LEPR: variants seen among roughly 807,000 people sequenced by gnomAD.
The protein encoded by LEPR is OB receptor.
A neutral mutation model predicts 114.7 loss-of-function variants in LEPR; 56 were observed. The observed-to-expected ratio is 0.49, with a 90% CI of 0.39 to 0.61. LEPR has a LOEUF of 0.61. Among genes scored for constraint, LEPR ranks in the 20% least tolerant of loss-of-function variants. The pLI is 0.00. For synonymous variants in LEPR, 443 were observed against 461.4 expected, an observed-to-expected ratio of 0.96 and a Z score of 0.51; for missense variants, 1,202 against 1,352.9, an observed-to-expected ratio of 0.89 and a Z score of 1.75.
Position 65,616,140 on chromosome 1 carries a change from C to T in LEPR, c.2128C>T (p.His710Tyr). Residue 710 changes from histidine to tyrosine, a missense_variant, in exon 15 of 20, where the codon CAT becomes TAT. By Grantham distance (83) the His-to-Tyr change is moderately conservative. Transcript: ENST00000349533. ...CACTTTCCTGTGGACAGAGCAAGCA[C>T]ATACTGTTACGGTTCTGGCCATCAA... ...KFTFLWTEQA[H>Y]TVTVLAINSI... 6.2e-7 allele frequency: 1 copy of T among 1,614,168 alleles called. No individual in the cohort carries two copies. Among genetic ancestry groups the T allele is most frequent in the Non-Finnish European group, 8.5e-7 (1 of 1,180,016 alleles).
chr1:65,546,265 G>A (rs1651711440), intron 2 of LEPR, among the ~76,000 whole-genome samples: 1 of 152,100 alleles, frequency 6.6e-6, no homozygotes, highest in Non-Finnish European at 1.5e-5. Context: ...TTGTTCTTTT[G>A]GCTTAGGATT....
chr1:65,472,152 A>G (rs191494725), intron 2 of LEPR, among the ~76,000 whole-genome samples: 19 of 152,296 alleles, frequency 1.2e-4, no homozygotes, highest in Admixed American at 1.2e-3. Flanking sequence ...GAGGTCTTCA[A>G]AACATCATGT....
At chr1:65,478,771 T>G (rs115549542) in intron 2 of LEPR, among the ~76,000 whole-genome samples, 3,896 of 152,254 alleles carry the variant, frequency 0.026, 176 homozygotes, top group African/African-American at 0.089. Context: ...CCAGTGAATC[T>G]ACCCTTCAGT....
chr1:65,510,692 T>C (rs1648984734), intron 2 of LEPR, among the ~76,000 whole-genome samples: 1 of 152,084 alleles, frequency 6.6e-6, no homozygotes, highest in Non-Finnish European at 1.5e-5. Flanking sequence ...GAATTCAGGC[T>C]CTGAAGATTA....
chr1:65,559,760 C>T (rs1417008253), intron 2 of LEPR, among the ~76,000 whole-genome samples: 10 of 136,106 alleles, frequency 7.3e-5, no homozygotes, highest in East Asian at 2.0e-4. Context: ...GTTTCAGCTT[C>T]CTACATATGG....
chr1:65,426,230 C>T lies in LEPR; in HGVS notation c.-21+852C>T, dbSNP rs536381370. Reference sequence around the variant, plus strand: ...ACCAGGAAAGCTGAATGCTAAGGCCCGGAGACATGAAAGTGTATATAGCCT... The same window carrying T: ...ACCAGGAAAGCTGAATGCTAAGGCCTGGAGACATGAAAGTGTATATAGCCT... On this transcript the variant is annotated intron_variant, in intron 2 of 19. Transcript: ENST00000349533. Among the ~76,000 whole-genome samples, 26 of 152,110 alleles carry T rather than the reference C, an allele frequency of 1.7e-4. 1 individual carries two copies. Among genetic ancestry groups the T allele is most frequent in the African/African-American group, 5.5e-4 (23 of 41,522 alleles).
At chr1:65,612,998 G>A (rs183568313) in intron 14 of LEPR, among the ~76,000 whole-genome samples, 1 of 152,264 alleles carries the variant, frequency 6.6e-6, no homozygotes, top group East Asian at 1.9e-4. Context: ...TAAAAATGAA[G>A]TCCCCATGCT....
intron 2 of LEPR, among the ~76,000 whole-genome samples, chr1:65,482,388 A>C (rs927119087): frequency 3.9e-5 from 6 of 152,282 alleles, no homozygotes; most frequent in African/African-American, 1.4e-4. Context: ...GCTGGTTCTA[A>C]AATTTATATA....
chr1:65,449,470 G>A (rs1303965927), intron 2 of LEPR, among the ~76,000 whole-genome samples: 1 of 151,940 alleles, frequency 6.6e-6, no homozygotes, highest in Non-Finnish European at 1.5e-5. Flanking sequence ...AGGGTAGGCT[G>A]GGAGGGGCTG....
At chr1:65,471,752 T>TA (rs1412220505) in intron 2 of LEPR, among the ~76,000 whole-genome samples, 3 of 152,218 alleles carry the variant, frequency 2.0e-5, no homozygotes, top group Admixed American at 2.0e-4. Flanking sequence ...GAGTAGAAAA[T>TA]AGTCTGGTCA....
rs977772721 is a variant in LEPR, at chr1:65,455,376, C to T, written c.-21+29998C>T. Among the ~76,000 whole-genome samples, 4 of 152,210 alleles carry T rather than the reference C, an allele frequency of 2.6e-5. No individual in the cohort carries two copies. The South Asian group carries it at 6.2e-4, about 24-fold the overall frequency. On this transcript the variant is annotated intron_variant, in intron 2 of 19. Coordinates refer to ENST00000349533, the MANE Select transcript of LEPR (RefSeq NM_002303.6). Reference sequence around the variant, plus strand: ...GAGGTGCTCTGCTGTTTAGAGTTCCCAGTTTTTCTGCTCTGTTTTTCCCCA... The same window carrying T: ...GAGGTGCTCTGCTGTTTAGAGTTCCTAGTTTTTCTGCTCTGTTTTTCCCCA...
chr1:65,521,518 G>A (rs1649636730), intron 2 of LEPR, among the ~76,000 whole-genome samples: 1 of 152,194 alleles, frequency 6.6e-6, no homozygotes. Context: ...CAAAAAGACT[G>A]TCACGGTGTC....
chr1:65,475,136 G>A (rs889833077), intron 2 of LEPR, among the ~76,000 whole-genome samples: 2 of 151,072 alleles, frequency 1.3e-5, no homozygotes, highest in South Asian at 4.2e-4. Flanking sequence ...AATTAAAGGG[G>A]AAAGATAGCC....
At chr1:65,446,834 C>T (rs1040170535) in intron 2 of LEPR, among the ~76,000 whole-genome samples, 1 of 151,902 alleles carries the variant, frequency 6.6e-6, no homozygotes, top group East Asian at 1.9e-4. Context: ...TTGATAAAAT[C>T]TAATTTATCT....
In LEPR at chr1:65,518,999, TTTC is replaced by T. The variant is rs369781257; in HGVS notation, c.-20-46541_-20-46539del. On this transcript the variant is annotated intron_variant, in intron 2 of 19. Transcript: ENST00000349533. ...CTCTCTCTCTTTCCTTCCTTCCTTC[TTTC>T]TTCTTTCTTTCTCTTTCTTTCTCTT... 4.8e-3 allele frequency among the ~76,000 whole-genome samples: 596 copies of T among 124,168 alleles called. 9 individuals carry two copies. Among genetic ancestry groups the T allele is most frequent in the Admixed American group, 0.01 (122 of 12,142 alleles). The allele number at this position is 124,168 out of a possible 152,430, so 81.5% of individuals were successfully genotyped here. A position where few individuals can be genotyped will look rare whatever the true frequency, so the allele number is the denominator to read the frequency against.
intron 2 of LEPR, chr1:65,434,755 C>T (rs928860022): frequency 1.0e-5 from 10 of 985,274 alleles, no homozygotes; most frequent in Middle Eastern, 5.2e-4. Context: ...GAGTTTTGTT[C>T]ACCTCTCCCA....
chr1:65,525,564 G>C, intron 2 of LEPR: 2 of 932,416 alleles, frequency 2.1e-6, no homozygotes, highest in Non-Finnish European at 2.6e-6. Context: ...GCTGCGGAGG[G>C]CGCGGGGCGC....
At chr1:65,573,569 A>T (rs1654362188) in intron 5 of LEPR, among the ~76,000 whole-genome samples, 1 of 152,218 alleles carries the variant, frequency 6.6e-6, no homozygotes, top group Non-Finnish European at 1.5e-5. Flanking sequence ...TCTAGTGATG[A>T]TATACACCAT....
chr1:65,553,360 C>T (rs548218356), intron 2 of LEPR, among the ~76,000 whole-genome samples: 1 of 152,242 alleles, frequency 6.6e-6, no homozygotes, highest in African/African-American at 2.4e-5. Context: ...ACCAATCAAA[C>T]ATAGGTTTGG....
Sources: gnomAD v4.1 joint callset for allele counts (sites outside exome capture counted in the v4.1 genomes callset) on GRCh38, gnomAD v4.1.1 for gene constraint, MANE v1.5 for transcripts, NCBI Gene and HGNC (gene_info 2026-07-23, HGNC 2026-07-21) for gene names.